Variants in LMBR1 observed in about 807,000 individuals in gnomAD.
LMBR1 encodes limb region 1 protein homolog.
LMBR1 carries 52 observed loss-of-function variants against 73.9 expected under a neutral mutation model. The ratio of observed to expected loss-of-function variants is 0.70; its 90% CI spans 0.56 to 0.89. The LOEUF (loss-of-function observed/expected upper bound fraction) is 0.89, where lower values mean the gene tolerates loss of function less well. Among genes scored for constraint, LMBR1 ranks in the 40% least tolerant of loss-of-function variants. The pLI is 0.00. For missense variants in LMBR1, 539 were observed against 579.8 expected, an observed-to-expected ratio of 0.93 and a Z score of 0.72; for synonymous variants, 215 against 209.4, an observed-to-expected ratio of 1.03 and a Z score of -0.23.
At chr7:156,741,522 T>C (rs1254516944) in intron 9 of LMBR1, among the ~76,000 whole-genome samples, 2 of 151,956 alleles carry the variant, frequency 1.3e-5, no homozygotes, top group East Asian at 3.9e-4. Flanking sequence ...TCAGACAAAA[T>C]AGATTTCAAG....
intron 4 of LMBR1, among the ~76,000 whole-genome samples, chr7:156,672,164 G>A (rs1311964926): frequency 6.6e-6 from 1 of 152,182 alleles, no homozygotes; most frequent in African/African-American, 2.4e-5. Context: ...AGCACTAAGT[G>A]TTAAGGGCCA....
intron 15 of LMBR1, among the ~76,000 whole-genome samples, chr7:156,719,636 G>A (rs1030564378): frequency 1.3e-3 from 192 of 152,022 alleles, no homozygotes; most frequent in African/African-American, 4.4e-3. Flanking sequence ...AAAAGAGCCC[G>A]CATCGCCAAG....
At chr7:156,740,832 T>C (rs915414893) in intron 9 of LMBR1, among the ~76,000 whole-genome samples, 15 of 152,148 alleles carry the variant, frequency 9.9e-5, no homozygotes, top group African/African-American at 3.6e-4. Flanking sequence ...GTAATATAAG[T>C]AAACACAGAA....
At position 156,680,527 on chromosome 7, in the gene LMBR1, G is replaced by A. The variant is rs1169634614; in HGVS notation, c.*3551C>T. 6.6e-6 allele frequency: 1 copy of A among 152,136 alleles called. No homozygotes were observed. The highest frequency in any genetic ancestry group is 6.6e-5 in the Admixed American group (1 of 15,264). 9.4% of individuals were successfully genotyped at this position (152,136 alleles called of 1,614,324 possible). On this transcript the variant is annotated 3_prime_UTR_variant, in exon 17 of 17. Coordinates refer to ENST00000353442, the MANE Select transcript of LMBR1 (RefSeq NM_022458.4). Reference sequence around the variant, plus strand: ...GATGCTAACAGCATTTATTCTTCCAGGAACTCTGGGTTAAGCTGTCCAGAC... The same window carrying A: ...GATGCTAACAGCATTTATTCTTCCAAGAACTCTGGGTTAAGCTGTCCAGAC...
chr7:156,860,837 C>CA (rs1164089231), intron 1 of LMBR1, among the ~76,000 whole-genome samples: 1 of 152,250 alleles, frequency 6.6e-6, no homozygotes, highest in African/African-American at 2.4e-5. Flanking sequence ...CCTTTGACAC[C>CA]ATGTCTCACA....
chr7:156,800,026 G>C (rs1236931280), intron 4 of LMBR1, among the ~76,000 whole-genome samples: 3 of 152,202 alleles, frequency 2.0e-5, no homozygotes, highest in Non-Finnish European at 2.9e-5. Flanking sequence ...TGGTTCATGA[G>C]GTTTAAGGAA....
In LMBR1 at chr7:156,875,156, T is replaced by C. The variant is rs530539371; in HGVS notation, c.66+17772A>G. On this transcript the variant is annotated intron_variant, in intron 1 of 16. Transcript: ENST00000353442. ...ACACACTTAGAGAAATGCAAAATTTTCTGGAAAGTCTCAGCAATAGACTCA... is the reference window on the plus strand; with the variant it reads ...ACACACTTAGAGAAATGCAAAATTTCCTGGAAAGTCTCAGCAATAGACTCA... Among the ~76,000 whole-genome samples the C allele has an allele frequency of 4.9e-4, 74 of 152,196 alleles. 1 individual carries two copies. The highest frequency in any genetic ancestry group is 1.6e-3 in the African/African-American group (67 of 41,516).
At chr7:156,818,833 T>C (rs1182767705) in intron 4 of LMBR1, among the ~76,000 whole-genome samples, 2 of 152,258 alleles carry the variant, frequency 1.3e-5, no homozygotes, top group Non-Finnish European at 2.9e-5. Context: ...ACTTTATTTT[T>C]TCGGTCCATT....
intron 1 of LMBR1, among the ~76,000 whole-genome samples, chr7:156,867,708 A>T (rs1402693754): frequency 6.6e-6 from 1 of 152,248 alleles, no homozygotes; most frequent in Non-Finnish European, 1.5e-5. Flanking sequence ...TCCAGAATAG[A>T]CAAATCTATA....
At chr7:156,884,697 A>G (rs991230637) in intron 1 of LMBR1, among the ~76,000 whole-genome samples, 2 of 152,212 alleles carry the variant, frequency 1.3e-5, no homozygotes, top group Admixed American at 6.5e-5. Flanking sequence ...GAAATATGCA[A>G]TAAGCCCAAT....
chr7:156,786,808 T>C (rs770516350), intron 5 of LMBR1, among the ~76,000 whole-genome samples: 3 of 152,218 alleles, frequency 2.0e-5, no homozygotes, highest in African/African-American at 7.2e-5. Context: ...AAGTCAAACA[T>C]ATATATTATG....
intron 4 of LMBR1, among the ~76,000 whole-genome samples, chr7:156,797,278 T>G (rs187655155): frequency 6.6e-6 from 1 of 152,280 alleles, no homozygotes; most frequent in Non-Finnish European, 1.5e-5. Context: ...GGTATGTCAT[T>G]GGGAGGGTAT....
intron 4 of LMBR1, among the ~76,000 whole-genome samples, chr7:156,818,509 C>T (rs1447000680): frequency 6.6e-6 from 1 of 152,186 alleles, no homozygotes; most frequent in Non-Finnish European, 1.5e-5. Flanking sequence ...TTTAAGGGTA[C>T]AATCTAACTC....
chr7:156,685,139 T>C lies in LMBR1; in HGVS notation c.1388-976A>G, dbSNP rs1805730425. ...TAATATCTCACTACCCAAAGGTATT[T>C]CACAGAATAAAAAACTATCACTATC... On this transcript the variant is annotated intron_variant, in intron 16 of 16. Coordinates refer to ENST00000353442, the MANE Select transcript of LMBR1 (RefSeq NM_022458.4). The surrounding 1 kb of genome is among the most constrained non-coding windows in gnomAD (Gnocchi z 4.1). Among the ~76,000 whole-genome samples the C allele has an allele frequency of 6.6e-6, 1 of 152,182 alleles. No individual in the cohort carries two copies. The highest frequency in any genetic ancestry group is 6.5e-5 in the Admixed American group (1 of 15,278).
At chr7:156,834,068 G>T (rs954801686) in intron 2 of LMBR1, among the ~76,000 whole-genome samples, 2 of 152,014 alleles carry the variant, frequency 1.3e-5, no homozygotes, top group Non-Finnish European at 2.9e-5. Flanking sequence ...ATAAAACTTA[G>T]TACAACCTTA....
At position 156,893,177 on chromosome 7, in the gene LMBR1, TCTGA is replaced by T. The variant is rs1240467361; in HGVS notation, c.-188_-185del. ...GCCTCAGCAGCCTCAGACGAGCAGC[TCTGA>T]CTAAGGGAGGGCGGGCGCCGCGCAG... On this transcript the variant is annotated 5_prime_UTR_variant, in exon 1 of 17. Transcript: ENST00000353442. 4 of 435,682 alleles carry T rather than the reference TCTGA, an allele frequency of 9.2e-6. No homozygotes were observed. Among genetic ancestry groups the T allele is most frequent in the East Asian group, 4.5e-5 (1 of 22,006 alleles). The allele number at this position is 435,682 out of a possible 1,614,324, so 27.0% of individuals were successfully genotyped here.
intron 9 of LMBR1, among the ~76,000 whole-genome samples, chr7:156,736,064 G>A (rs989371794): frequency 1.3e-4 from 20 of 152,152 alleles, no homozygotes; most frequent in African/African-American, 2.4e-4. Flanking sequence ...ACTCAGTCCC[G>A]AGTACTCCCA....
Position 156,756,374 on chromosome 7 carries a change from A to T in LMBR1, c.757+19T>A. The stretch of plus-strand genomic sequence containing the variant: ...AAAAGATTTTTTTATCCCCGTCTAA[A>T]TATGTAATATAAACATACCATTTAG... On this transcript the variant is annotated intron_variant, in intron 9 of 16. Transcript: ENST00000353442. The T allele has an allele frequency of 8.7e-7, 1 of 1,148,548 alleles. No individual in the cohort carries two copies. The allele number at this position is 1,148,548 out of a possible 1,614,324, so 71.1% of individuals were successfully genotyped here. A position where few individuals can be genotyped will look rare whatever the true frequency, so the allele number is the denominator to read the frequency against.
At chr7:156,836,296 C>A (rs1357436455) in intron 2 of LMBR1, among the ~76,000 whole-genome samples, 2 of 152,204 alleles carry the variant, frequency 1.3e-5, no homozygotes, top group South Asian at 2.1e-4. Context: ...CCTAAAAAAT[C>A]TGAATTAATG....
Sources: allele counts gnomAD v4.1 joint callset (sites outside exome capture counted in the v4.1 genomes callset), GRCh38; gene constraint gnomAD v4.1.1; non-coding constraint Gnocchi (gnomAD v3.1); transcripts MANE v1.5; gene names NCBI Gene and HGNC (gene_info 2026-07-23, HGNC 2026-07-21).